LSAMP: variants seen among roughly 807,000 people sequenced by gnomAD.
LSAMP encodes the protein limbic system-associated membrane protein.
Under a neutral mutation model 38.6 loss-of-function variants are expected in LSAMP, and 7 were observed. The ratio of observed to expected loss-of-function variants is 0.18; its 90% CI spans 0.10 to 0.34. LSAMP has a LOEUF of 0.34. LSAMP is among the 10% of genes least tolerant of loss of function. LSAMP has a pLI of 1.00. For synonymous variants in LSAMP, 154 were observed against 166.8 expected, an observed-to-expected ratio of 0.92 and a Z score of 0.59; for missense variants, 313 against 420.0, an observed-to-expected ratio of 0.75 and a Z score of 2.23.
At chr3:116,342,624 C>T (rs960545003) in intron 1 of LSAMP, among the ~76,000 whole-genome samples, 2 of 152,000 alleles carry the variant, frequency 1.3e-5, no homozygotes, top group African/African-American at 4.8e-5. Flanking sequence ...TTTTGAAATG[C>T]CTTCTAGACT....
chr3:116,112,127 AT>A (rs1417277118), intron 1 of LSAMP, among the ~76,000 whole-genome samples: 1 of 152,230 alleles, frequency 6.6e-6, no homozygotes, highest in Non-Finnish European at 1.5e-5. Context: ...TGAAAGTTTT[AT>A]TTTAACCTGG....
At chr3:116,011,792 T>C (rs1940334450) in intron 3 of LSAMP, among the ~76,000 whole-genome samples, 1 of 152,206 alleles carries the variant, frequency 6.6e-6, no homozygotes, top group African/African-American at 2.4e-5. Flanking sequence ...CCAGGATCAT[T>C]CTTACCTTTC....
intron 3 of LSAMP, among the ~76,000 whole-genome samples, chr3:115,889,718 T>C (rs1936547971): frequency 6.6e-6 from 1 of 151,926 alleles, no homozygotes; most frequent in Non-Finnish European, 1.5e-5. Flanking sequence ...TTTTCCTCTT[T>C]ACTATATCTG....
chr3:116,241,888 G>A (rs2046540509), intron 1 of LSAMP, among the ~76,000 whole-genome samples: 1 of 152,200 alleles, frequency 6.6e-6, no homozygotes, highest in South Asian at 2.1e-4. Context: ...GGAATTGGGG[G>A]TGTAACCCTA....
At chr3:116,391,314 TC>T (rs1182395268) in intron 1 of LSAMP, among the ~76,000 whole-genome samples, 2 of 151,934 alleles carry the variant, frequency 1.3e-5, no homozygotes, top group Non-Finnish European at 2.9e-5. Flanking sequence ...GTGCCCCATG[TC>T]CCCGAGGCCG....
intron 1 of LSAMP, among the ~76,000 whole-genome samples, chr3:116,413,150 C>T (rs1250091131): frequency 6.6e-6 from 1 of 151,768 alleles, no homozygotes; most frequent in East Asian, 1.9e-4. Flanking sequence ...TATCAGCAAC[C>T]CTAAGATTAT....
At chr3:116,061,123 G>A (rs1233951779) in intron 2 of LSAMP, among the ~76,000 whole-genome samples, 1 of 151,900 alleles carries the variant, frequency 6.6e-6, no homozygotes, top group Non-Finnish European at 1.5e-5. Context: ...AGTAGCACCT[G>A]TTCAATTCTC....
chr3:116,088,288 C>T lies in LSAMP; in HGVS notation c.156-1732G>A, dbSNP rs28495325. On this transcript the variant is annotated intron_variant, in intron 1 of 6. Coordinates refer to ENST00000490035, the MANE Select transcript of LSAMP (RefSeq NM_002338.5). ...ATAACTAGATTTAGGTATCATTTAA[C>T]ATCTCCATTTCCCAGTATGTGCTTC... Among the ~76,000 whole-genome samples the T allele has an allele frequency of 8.8e-3, 1,335 of 152,262 alleles. 21 individuals carry two copies. Among genetic ancestry groups the T allele is most frequent in the African/African-American group, 0.029 (1,201 of 41,538 alleles).
chr3:116,261,951 AAAGT>A (rs1447620274), intron 1 of LSAMP, among the ~76,000 whole-genome samples: 4 of 151,056 alleles, frequency 2.6e-5, no homozygotes, highest in Admixed American at 6.6e-5. Context: ...TTTCTAAATT[AAAGT>A]AAGAGACCAG....
intron 1 of LSAMP, among the ~76,000 whole-genome samples, chr3:116,245,901 G>T (rs949716745): frequency 1.3e-5 from 2 of 152,102 alleles, no homozygotes; most frequent in Non-Finnish European, 2.9e-5. Flanking sequence ...TTCTCCTCTA[G>T]TTCCATGATT....
chr3:116,283,408 G>A (rs1022695423), intron 1 of LSAMP, among the ~76,000 whole-genome samples: 1 of 152,254 alleles, frequency 6.6e-6, no homozygotes, highest in South Asian at 2.1e-4. Context: ...CCTTTTCCCT[G>A]ACTGAATTAC....
At chr3:116,292,858 A>G (rs913553739) in intron 1 of LSAMP, among the ~76,000 whole-genome samples, 3 of 152,226 alleles carry the variant, frequency 2.0e-5, no homozygotes, top group African/African-American at 7.2e-5. Flanking sequence ...ATGTAAGGGT[A>G]AAACTCAAAA....
intron 3 of LSAMP, among the ~76,000 whole-genome samples, chr3:115,966,949 G>A (rs1457727132): frequency 1.3e-5 from 2 of 152,198 alleles, no homozygotes; most frequent in Non-Finnish European, 2.9e-5. Flanking sequence ...GGAAGGGGAT[G>A]AAACCAGGGA....
intron 1 of LSAMP, among the ~76,000 whole-genome samples, chr3:116,093,954 C>T (rs2107438378): frequency 6.6e-6 from 1 of 152,218 alleles, no homozygotes; most frequent in South Asian, 2.1e-4. Context: ...ATATTCCCAG[C>T]ATTAAAATGT....
chr3:115,893,260 A>G (rs1046977232), intron 3 of LSAMP, among the ~76,000 whole-genome samples: 1 of 152,020 alleles, frequency 6.6e-6, no homozygotes, highest in African/African-American at 2.4e-5. Flanking sequence ...ACAAACCTAC[A>G]CGTTCTGCAC....
intron 1 of LSAMP, among the ~76,000 whole-genome samples, chr3:116,111,698 C>A (rs1327119145): frequency 1.3e-5 from 2 of 150,830 alleles, no homozygotes; most frequent in Non-Finnish European, 2.9e-5. Context: ...TTTGCAAGAC[C>A]ATGTTTCTTT....
chr3:116,346,191 A>C (rs185254883), intron 1 of LSAMP, among the ~76,000 whole-genome samples: 114 of 152,332 alleles, frequency 7.5e-4, no homozygotes, highest in African/African-American at 2.6e-3. Flanking sequence ...CATTTCAAGA[A>C]GATGGATTCC....
intron 1 of LSAMP, among the ~76,000 whole-genome samples, chr3:116,329,071 A>G (rs1190154103): frequency 1.3e-5 from 2 of 152,160 alleles, no homozygotes; most frequent in South Asian, 2.1e-4. Flanking sequence ...AGCAAAATTT[A>G]TAAATTATTG....
intron 1 of LSAMP, among the ~76,000 whole-genome samples, chr3:116,155,549 C>T (rs961484367): frequency 1.3e-5 from 2 of 151,746 alleles, no homozygotes; most frequent in African/African-American, 4.8e-5. Context: ...CATGTTTTAC[C>T]TTCATAATAC....
Sources: gnomAD v4.1 joint callset for allele counts (sites outside exome capture counted in the v4.1 genomes callset) on GRCh38, gnomAD v4.1.1 for gene constraint, MANE v1.5 for transcripts, NCBI Gene and HGNC (gene_info 2026-07-23, HGNC 2026-07-21) for gene names.